Variants in TBC1D31 observed in about 807,000 individuals in gnomAD.
The protein encoded by TBC1D31 is WD repeat domain 67.
In TBC1D31, 99 loss-of-function variants were observed where a neutral mutation model predicts 132.9. The observed-to-expected ratio is 0.74, with a 90% CI of 0.63 to 0.88. The LOEUF (loss-of-function observed/expected upper bound fraction) is 0.88, where lower values mean the gene tolerates loss of function less well. TBC1D31 is among the 40% of genes least tolerant of loss of function. TBC1D31 has a pLI of 0.00. For missense variants in TBC1D31, 1,134 were observed against 1,256.6 expected, an observed-to-expected ratio of 0.90 and a Z score of 1.48; for synonymous variants, 385 against 419.4, an observed-to-expected ratio of 0.92 and a Z score of 1.00.
At chr8:123,156,410 C>A (rs1822989035), downstream of TBC1D31, among the ~76,000 whole-genome samples, 1 of 147,332 alleles carries the variant, frequency 6.8e-6, no homozygotes, top group African/African-American at 2.5e-5. Context: ...CGCTACAGTC[C>A]AGCCTGGGCA....
intron 4 of TBC1D31, among the ~76,000 whole-genome samples, chr8:123,092,309 C>T (rs1035997669): frequency 6.6e-6 from 1 of 152,128 alleles, no homozygotes; most frequent in African/African-American, 2.4e-5. Context: ...GCCACCGTGC[C>T]TAGCCAGGAC....
chr8:123,140,406 C>A (rs1821533265), intron 17 of TBC1D31, among the ~76,000 whole-genome samples: 1 of 152,072 alleles, frequency 6.6e-6, no homozygotes. Flanking sequence ...GGGGTGGGAA[C>A]AGGAAAAATG....
At chr8:123,082,325 T>C (rs1230408667) in intron 2 of TBC1D31, among the ~76,000 whole-genome samples, 1 of 151,980 alleles carries the variant, frequency 6.6e-6, no homozygotes, top group Non-Finnish European at 1.5e-5. Context: ...GTTGAATCCA[T>C]ACCGAACCTC....
intron 18 of TBC1D31, among the ~76,000 whole-genome samples, chr8:123,141,882 A>T (rs1821734258): frequency 1.1e-5 from 1 of 89,750 alleles, no homozygotes; most frequent in Non-Finnish European, 1.9e-5. Context: ...TTTTGTAGAG[A>T]TGGAGTCTTA....
In TBC1D31 at chr8:123,100,908, A is replaced by G; in HGVS notation, c.933A>G (p.Ser311=). 1 of 1,613,138 alleles carries G rather than the reference A, an allele frequency of 6.2e-7. No individual in the cohort carries two copies. The highest frequency in any genetic ancestry group is 1.3e-5 in the African/African-American group (1 of 75,054). Residue 311 remains serine (S), a synonymous_variant, in exon 7 of 22, where the codon TCA becomes TCG. Coordinates refer to ENST00000287380, the MANE Select transcript of TBC1D31 (RefSeq NM_145647.4). ...GGAGCCTCGATGAAGGAATTAGCTC[A>G]TCAGCAATTAGCCCACATGGACGGT... is the stretch of plus-strand genomic sequence containing the variant. ...EIGSLDEGIS[S]SAISPHGRYI... is the part of the protein sequence containing the mutation.
At chr8:123,161,875 G>T in the TBC1D31 span, among the ~76,000 whole-genome samples, 1 of 151,716 alleles carries the variant, frequency 6.6e-6, no homozygotes, top group East Asian at 1.9e-4. Context: ...AAAATTAGCC[G>T]GGCGTGGTGG....
the TBC1D31 span, among the ~76,000 whole-genome samples, chr8:123,157,823 C>T: frequency 6.6e-6 from 1 of 152,160 alleles, no homozygotes; most frequent in Non-Finnish European, 1.5e-5. Context: ...TCCACGGCCG[C>T]CTGCAGCTCC....
chr8:123,079,832 C>T (rs974651964), intron 2 of TBC1D31, among the ~76,000 whole-genome samples: 4 of 147,442 alleles, frequency 2.7e-5, no homozygotes, highest in Admixed American at 6.8e-5. Flanking sequence ...GTAAGTTCAG[C>T]CCCCATTACC....
the TBC1D31 span, among the ~76,000 whole-genome samples, chr8:123,161,831 A>G: frequency 6.6e-6 from 1 of 152,014 alleles, no homozygotes; most frequent in South Asian, 2.1e-4. Context: ...AGCCTGGCCA[A>G]CATGGTGAAA....
intron 10 of TBC1D31, among the ~76,000 whole-genome samples, chr8:123,117,571 G>A (rs367717199): frequency 1.3e-4 from 20 of 151,280 alleles, no homozygotes; most frequent in Admixed American, 5.3e-4. Flanking sequence ...TGGCTGACAC[G>A]GTGAAACCCC....
At chr8:123,074,151 C>T (rs553054612) in intron 1 of TBC1D31, among the ~76,000 whole-genome samples, 44 of 152,200 alleles carry the variant, frequency 2.9e-4, no homozygotes, top group Middle Eastern at 6.8e-3. Context: ...CCTGCCGCAG[C>T]CTCCTGAGTA....
At chr8:123,145,042 G>C (rs1822059214) in intron 20 of TBC1D31, among the ~76,000 whole-genome samples, 187 bp downstream of exon 20, 1 of 151,684 alleles carries the variant, frequency 6.6e-6, no homozygotes, top group South Asian at 2.1e-4. Flanking sequence ...TCCCATCTCA[G>C]CCTCCCAAGT....
the TBC1D31 span, among the ~76,000 whole-genome samples, chr8:123,164,431 A>T: frequency 6.6e-6 from 1 of 152,090 alleles, no homozygotes; most frequent in Non-Finnish European, 1.5e-5. Flanking sequence ...AAGAATGAAG[A>T]ATAATCCAGG....
intron 11 of TBC1D31, among the ~76,000 whole-genome samples, chr8:123,121,650 C>T (rs1473124499): frequency 6.6e-6 from 1 of 152,220 alleles, no homozygotes; most frequent in Non-Finnish European, 1.5e-5. Context: ...GTCGCTCCTG[C>T]TCTCTTCACT....
chr8:123,101,933 C>T (rs375471691), intron 7 of TBC1D31, among the ~76,000 whole-genome samples: 1 of 152,190 alleles, frequency 6.6e-6, no homozygotes. Context: ...TTCCTTCCTT[C>T]GCCTGTTGAA....
At chr8:123,161,402 C>CT in the TBC1D31 span, among the ~76,000 whole-genome samples, 3 of 152,232 alleles carry the variant, frequency 2.0e-5, no homozygotes, top group African/African-American at 7.2e-5. Flanking sequence ...CCGGCGGTGG[C>CT]TGATTTACTT....
At chr8:123,076,417 TA>T (rs1586535775) in intron 1 of TBC1D31, among the ~76,000 whole-genome samples, 2 of 152,268 alleles carry the variant, frequency 1.3e-5, no homozygotes, top group East Asian at 3.9e-4. Context: ...CATTTAAGTT[TA>T]ATCATTACAT....
chr8:123,114,072 C>A (rs2130609484), intron 10 of TBC1D31, among the ~76,000 whole-genome samples: 1 of 152,190 alleles, frequency 6.6e-6, no homozygotes, highest in East Asian at 1.9e-4. Flanking sequence ...CCCTCCCCCA[C>A]TTTTTTAAAG....
chr8:123,082,237 T>A (rs748039481), intron 2 of TBC1D31, among the ~76,000 whole-genome samples: 18 of 152,116 alleles, frequency 1.2e-4, no homozygotes, highest in Non-Finnish European at 2.1e-4. Context: ...TTTCATTTAG[T>A]CATCACAACA....
Sources: gnomAD v4.1 joint callset for allele counts (sites outside exome capture counted in the v4.1 genomes callset) on GRCh38, gnomAD v4.1.1 for gene constraint, MANE v1.5 for transcripts, NCBI Gene and HGNC (gene_info 2026-07-23, HGNC 2026-07-21) for gene names.